The following OGDHL variants were observed in gnomAD, a reference collection of about 807,000 sequenced individuals.
OGDHL encodes the protein oxoglutarate dehydrogenase L.
A neutral mutation model predicts 109.6 loss-of-function variants in OGDHL; 79 were observed. The ratio of observed to expected loss-of-function variants is 0.72; its 90% confidence interval spans 0.60 to 0.87. The LOEUF (loss-of-function observed/expected upper bound fraction) is 0.87, where lower values mean the gene tolerates loss of function less well. OGDHL is among the 40% of genes least tolerant of loss of function. The pLI, the probability that OGDHL is intolerant of heterozygous loss-of-function variation, is 0.00. For missense variants in OGDHL, 1,275 were observed against 1,362.2 expected (o/e 0.94, Z 1.01); for synonymous variants, 528 against 537.2 (o/e 0.98, Z 0.24).
chr10:49,740,868 A>C, intron 15 of OGDHL, 31 bp from the exon 16 acceptor site: 1 of 1,612,472 alleles, frequency 6.2e-7, no homozygotes, highest in Non-Finnish European at 8.5e-7. Context: ...GCAGGGACAG[A>C]GGGCAGGTGG....
rs747509480 is a variant in OGDHL, at chr10:49,744,710, C to T, written c.1672G>A (p.Gly558Ser). ...KYDRICEEAY[G>S]RSKDKKILHI... is the part of the protein sequence containing the mutation. ...AGAATCTTTTTATCCTTGGACCTGC[C>T]ATAAGCCTCCTCACAGATCCGGTCG... is the stretch of plus-strand genomic sequence containing the variant. The change falls in exon 13 of 23, where the codon GGC becomes AGC. Residue 558 changes from glycine (G) to serine (S), a missense_variant. Physicochemically the swap from Gly to Ser is moderately conservative, Grantham distance 56. Transcript: ENST00000374103. 1 of 1,614,212 alleles carries T rather than the reference C, an allele frequency of 6.2e-7. No individual in the cohort carries two copies. The highest frequency in any genetic ancestry group is 8.5e-7 in the Non-Finnish European group (1 of 1,180,032).
At position 49,749,329 on chromosome 10, in the gene OGDHL, C is replaced by G. The variant is rs1312905246; in HGVS notation, c.987+397G>C. Among the ~76,000 whole-genome samples the G allele has an allele frequency of 3.9e-5, 6 of 152,288 alleles. No individual in the cohort carries two copies. The South Asian group carries it at 8.3e-4, about 21-fold the overall frequency. ...CAGCAGGTCGATGGGTACGGAAAACCATCCTCACCTCCCAAGGCTCTGCTG... is the reference window on the plus strand; with the variant it reads ...CAGCAGGTCGATGGGTACGGAAAACGATCCTCACCTCCCAAGGCTCTGCTG... On this transcript the variant is annotated intron_variant, in intron 8 of 22. Transcript: ENST00000374103.
chr10:49,751,005 G>A lies in OGDHL; in HGVS notation c.750-20C>T. The A allele has an allele frequency of 1.3e-6, 2 of 1,577,136 alleles. No homozygotes were observed. The stretch of plus-strand genomic sequence containing the variant: ...TCAAACCTGCTTGGGGAGAGGATGG[G>A]AAGAGGAAAGGGAAAGGGATGGAGA... On this transcript the variant is annotated intron_variant, in intron 6 of 22. Transcript: ENST00000374103.
chr10:49,755,143 C>T (rs1336858165), intron 3 of OGDHL, among the ~76,000 whole-genome samples: 2 of 152,192 alleles, frequency 1.3e-5, no homozygotes, highest in East Asian at 3.9e-4. Context: ...ACTCAGGAGG[C>T]TGAGCCAGGA....
chr10:49,755,449 G>C (rs991205825), intron 3 of OGDHL, among the ~76,000 whole-genome samples: 18 of 152,196 alleles, frequency 1.2e-4, no homozygotes, highest in African/African-American at 4.1e-4. Context: ...AGTGAGCGGG[G>C]GCTAAGGGGG....
At position 49,736,148 on chromosome 10, in the gene OGDHL, C is replaced by G. The variant is rs1340467643; in HGVS notation, c.2784G>C (p.Lys928Asn). 1.2e-6 allele frequency: 2 copies of G among 1,606,284 alleles called. No individual in the cohort carries two copies. Among genetic ancestry groups the G allele is most frequent in the Non-Finnish European group, 1.7e-6 (2 of 1,176,222 alleles). The part of the protein sequence containing the change: ...QISPFPFDLI[K>N]QEAEKYPGAE... ...CACCTGGGTACTTCTCTGCCTCCTG[C>G]TTGATCAGGTCGAAGGGGAATGGAG... The change falls in exon 22 of 23, where the codon AAG becomes AAC. Residue 928 changes from lysine (K) to asparagine (N), a missense_variant. Lys to Asn is a moderately conservative substitution (Grantham distance 94, BLOSUM62 0). Transcript: ENST00000374103.
In OGDHL at chr10:49,735,113, T is replaced by C; in HGVS notation, c.*115A>G. The C allele has an allele frequency of 7.2e-7, 1 of 1,384,226 alleles. No homozygotes were observed. The allele number at this position is 1,384,226 out of a possible 1,614,324, so 85.7% of individuals were successfully genotyped here. On this transcript the variant is annotated 3_prime_UTR_variant, in exon 23 of 23. Coordinates refer to ENST00000374103, the MANE Select transcript of OGDHL (RefSeq NM_018245.3). ...TCTTGGCCCTGTCACTGTGTCTGTT[T>C]TATCCTGGGGCCCCACAGCCCCTCT...
chr10:49,745,758 G>A, intron 11 of OGDHL, 40 bp downstream of exon 11: 1 of 1,600,378 alleles, frequency 6.2e-7, no homozygotes, highest in Non-Finnish European at 8.5e-7. Context: ...AGCAGGGATG[G>A]GCCACCCACC....
intron 8 of OGDHL, among the ~76,000 whole-genome samples, chr10:49,749,277 G>A (rs1258178): frequency 6.6e-6 from 1 of 152,146 alleles, no homozygotes; most frequent in South Asian, 2.1e-4. Flanking sequence ...TCCCAGGGAG[G>A]GGGTGGGAGC....
rs985000128 is a variant in OGDHL, at chr10:49,762,292, G to C, written c.-55C>G. On this transcript the variant is annotated 5_prime_UTR_variant, in exon 1 of 23. Coordinates refer to ENST00000374103, the MANE Select transcript of OGDHL (RefSeq NM_018245.3). The stretch of plus-strand genomic sequence containing the variant: ...GCGAGGTCCGGAGGCTGCAGGTCAG[G>C]GGGCTGCGCGGAAGGGGTGCGCGCG... 6.6e-6 allele frequency: 1 copy of C among 152,100 alleles called. No homozygotes were observed. The highest frequency in any genetic ancestry group is 6.5e-5 in the Admixed American group (1 of 15,276). 9.4% of individuals were successfully genotyped at this position (152,100 alleles called of 1,614,324 possible).
At chr10:49,752,514 G>C (rs1842671779) in intron 4 of OGDHL, 124 bp downstream of exon 4, 1 of 816,024 alleles carries the variant, frequency 1.2e-6, no homozygotes, top group African/African-American at 1.7e-5. Context: ...GTAGAAAGGA[G>C]GCCCTGTGGG....
At chr10:49,753,009 A>C (rs1234509872) in intron 3 of OGDHL, among the ~76,000 whole-genome samples, 1 of 152,232 alleles carries the variant, frequency 6.6e-6, no homozygotes, top group Admixed American at 6.5e-5. Context: ...CGGTGCTACT[A>C]GTAATAGTGA....
chr10:49,758,501 C>T lies in OGDHL; in HGVS notation c.92G>A (p.Ser31Asn), dbSNP rs753595011. Residue 31 changes from serine to asparagine, a missense_variant, in exon 2 of 23, where the codon AGC becomes AAC. Coordinates refer to ENST00000374103, the MANE Select transcript of OGDHL (RefSeq NM_018245.3). ...AHDVPVFGWR[S>N]RSSGPPATFP... is the part of the protein sequence containing the mutation. ...GGTGGCCGGTGGCCCGGAGGACCTG[C>T]TGCGCCAGCCAAACACCGGGACGTC... 33 of 1,613,754 alleles carry T rather than the reference C, an allele frequency of 2.0e-5. No individual in the cohort carries two copies. In the African/African-American group the frequency reaches 4.0e-4, roughly 20 times the overall value.
rs1180729411 is a variant in OGDHL, at chr10:49,736,095, T to C, written c.2837A>G (p.His946Arg). The C allele has an allele frequency of 6.2e-7, 1 of 1,612,534 alleles. No individual in the cohort carries two copies. The highest frequency in any genetic ancestry group is 8.5e-7 in the Non-Finnish European group (1 of 1,179,170). Residue 946 changes from histidine to arginine, a missense_variant, in exon 22 of 23, where the codon CAC becomes CGC. Transcript: ENST00000374103. Reference sequence around the variant, plus strand: ...GTAGTCATAGTAGCCCATGTTCTTGTGCTCCTCCTGACACCAGGCCAGCTC... The same window carrying C: ...GTAGTCATAGTAGCCCATGTTCTTGCGCTCCTCCTGACACCAGGCCAGCTC... Reference protein sequence around the residue: ...GAELAWCQEEHKNMGYYDYIS... With the variant: ...GAELAWCQEERKNMGYYDYIS...
Position 49,746,850 on chromosome 10 carries a change from G to A in OGDHL, c.1196C>T (p.Ala399Val). 6.2e-7 allele frequency: 1 copy of A among 1,614,148 alleles called. No homozygotes were observed. The highest frequency in any genetic ancestry group is 1.3e-5 in the African/African-American group (1 of 75,048). ...TACCACGCCCTGGCCAGCAAAGGCG[G>A]CGTCCCCATGAACCAGGATGGACAT... is the stretch of plus-strand genomic sequence containing the variant. ...KVMSILVHGD[A>V]AFAGQGVVYE... The change falls in exon 10 of 23, where the codon GCC becomes GTC. Residue 399 changes from alanine (A) to valine (V), a missense_variant. Ala to Val is a moderately conservative substitution (Grantham distance 64, BLOSUM62 0). Coordinates refer to ENST00000374103, the MANE Select transcript of OGDHL (RefSeq NM_018245.3).
rs552178435 is a variant in OGDHL, at chr10:49,743,040, G to C, written c.1862-62C>G. The stretch of plus-strand genomic sequence containing the variant: ...CAGCCAGCCCTGGGGCGGGTAGGTA[G>C]GTGCTCAGCACACACCCCGCACAAA... On this transcript the variant is annotated intron_variant, in intron 14 of 22. Coordinates refer to ENST00000374103, the MANE Select transcript of OGDHL (RefSeq NM_018245.3). 356 of 1,578,946 alleles carry C rather than the reference G, an allele frequency of 2.3e-4. No individual in the cohort carries two copies. The African/African-American group carries it at 4.5e-3, about 20-fold the overall frequency.
chr10:49,748,037 G>A (rs751176169), intron 8 of OGDHL, among the ~76,000 whole-genome samples: 1 of 145,294 alleles, frequency 6.9e-6, no homozygotes, highest in African/African-American at 2.4e-5. Context: ...TGGGGTGGGG[G>A]CTCTGGCACC....
At chr10:49,753,888 T>TA (rs63200161) in intron 3 of OGDHL, among the ~76,000 whole-genome samples, 1,956 of 87,206 alleles carry the variant, frequency 0.022, 27 homozygotes, top group Non-Finnish European at 0.029. Flanking sequence ...AAACTCCATC[T>TA]AAAAAAAAAA....
At position 49,737,850 on chromosome 10, in the gene OGDHL, G is replaced by C; in HGVS notation, c.2526C>G (p.Ile842Met). 1 of 1,614,222 alleles carries C rather than the reference G, an allele frequency of 6.2e-7. No individual in the cohort carries two copies. Among genetic ancestry groups the C allele is most frequent in the Non-Finnish European group, 8.5e-7 (1 of 1,180,040 alleles). The change falls in exon 20 of 23, where the codon ATC becomes ATG. Residue 842 changes from isoleucine to methionine, a missense_variant. Ile to Met is a conservative substitution (Grantham distance 10, BLOSUM62 1). Transcript: ENST00000374103. Reference sequence around the variant, plus strand: ...GCCTCAGCAGAGATTTAGGTGTGAAGATAATCAGCTGGAAGGGAAATACAC... The same window carrying C: ...GCCTCAGCAGAGATTTAGGTGTGAACATAATCAGCTGGAAGGGAAATACAC... The part of the protein sequence containing the change: ...ILLPFRKPLI[I>M]FTPKSLLRHP...
Sources: gnomAD v4.1 joint callset for allele counts (sites outside exome capture counted in the v4.1 genomes callset) on GRCh38, gnomAD v4.1.1 for gene constraint, MANE v1.5 for transcripts, NCBI Gene and HGNC (gene_info 2026-07-23, HGNC 2026-07-21) for gene names.